B3GALT1: variants seen among roughly 807,000 people sequenced by gnomAD.
B3GALT1 encodes beta-1,3-galactosyltransferase 1, also known as UDP-Gal:betaGlcNAc beta 1,3-galactosyltransferase, polypeptide 1.
B3GALT1 carries 10 observed loss-of-function variants against 23.2 expected under a neutral mutation model. The observed-to-expected ratio is 0.43, with a 90% confidence interval of 0.27 to 0.73. B3GALT1 has a LOEUF of 0.73. B3GALT1 is among the 30% of genes least tolerant of loss of function. The pLI is 0.21. For missense variants in B3GALT1, 299 were observed against 405.4 expected, an observed-to-expected ratio of 0.74 and a Z score of 2.25; for synonymous variants, 156 against 141.5, an observed-to-expected ratio of 1.10 and a Z score of -0.73.
chr2:167,461,108 G>A (rs149060209), intron 1 of B3GALT1, among the ~76,000 whole-genome samples: 308 of 152,264 alleles, frequency 2.0e-3, no homozygotes, highest in Non-Finnish European at 4.0e-3. Flanking sequence ...TTGTCTGCAC[G>A]TCTGTGATCA....
At chr2:167,728,948 T>C (rs1687364312) in intron 3 of B3GALT1, among the ~76,000 whole-genome samples, 1 of 152,222 alleles carries the variant, frequency 6.6e-6, no homozygotes, top group Non-Finnish European at 1.5e-5. Flanking sequence ...GCTTTTTTTA[T>C]CTCAGATTCT....
chr2:167,507,445 G>A (rs1293781710), intron 2 of B3GALT1, among the ~76,000 whole-genome samples: 1 of 141,172 alleles, frequency 7.1e-6, no homozygotes, highest in South Asian at 2.3e-4. Flanking sequence ...GTTGGAGGTT[G>A]CAGTGAACCA....
chr2:167,740,453 A>G (rs2105275658), intron 3 of B3GALT1, among the ~76,000 whole-genome samples: 1 of 152,298 alleles, frequency 6.6e-6, no homozygotes, highest in Admixed American at 6.5e-5. Flanking sequence ...TGGATCCAAA[A>G]TGATATTGAA....
intron 1 of B3GALT1, among the ~76,000 whole-genome samples, chr2:167,346,973 A>G (rs1287883640): frequency 6.6e-6 from 1 of 152,202 alleles, no homozygotes; most frequent in East Asian, 1.9e-4. Flanking sequence ...GTAAAAGTTC[A>G]TATAAATGTA....
chr2:167,696,296 C>CAAAAAAAAAAAAAAAAAAAAAAAA, intron 3 of B3GALT1, among the ~76,000 whole-genome samples: 1 of 91,838 alleles, frequency 1.1e-5, no homozygotes, highest in Non-Finnish European at 2.0e-5. Context: ...TGGTAAGAGG[C>CAAAAAAAAAAAAAAAAAAAAAAAA]AAAAAAAAAA....
chr2:167,377,574 T>C (rs542008386), intron 1 of B3GALT1, among the ~76,000 whole-genome samples: 2 of 152,328 alleles, frequency 1.3e-5, no homozygotes, highest in South Asian at 4.1e-4. Context: ...TTTATCATGA[T>C]GTAATGCTCT....
At chr2:167,578,918 C>T (rs1684430578) in intron 2 of B3GALT1, among the ~76,000 whole-genome samples, 1 of 151,846 alleles carries the variant, frequency 6.6e-6, no homozygotes, top group Non-Finnish European at 1.5e-5. Context: ...CAGAATGGAG[C>T]GTGTATAATA....
chr2:167,628,007 G>T (rs1040415166), intron 2 of B3GALT1, among the ~76,000 whole-genome samples: 1 of 151,684 alleles, frequency 6.6e-6, no homozygotes, highest in Non-Finnish European at 1.5e-5. Flanking sequence ...ATTCTTTGAT[G>T]AAGTGTCCAT....
chr2:167,634,811 C>T (rs1480755873), intron 2 of B3GALT1, among the ~76,000 whole-genome samples: 1 of 152,074 alleles, frequency 6.6e-6, no homozygotes, highest in Non-Finnish European at 1.5e-5. Flanking sequence ...GAAACTATTC[C>T]AATCAACAGT....
chr2:167,812,105 CA>C (rs1296922655), intron 3 of B3GALT1, among the ~76,000 whole-genome samples: 2 of 152,194 alleles, frequency 1.3e-5, no homozygotes, highest in Admixed American at 1.3e-4. Context: ...CAACTGCCCC[CA>C]GATGGTCAGT....
At chr2:167,538,029 A>T (rs1445864562) in intron 2 of B3GALT1, among the ~76,000 whole-genome samples, 1 of 151,712 alleles carries the variant, frequency 6.6e-6, no homozygotes, top group East Asian at 1.9e-4. Flanking sequence ...CATCATGTTG[A>T]CCAGGCTGGT....
intron 2 of B3GALT1, among the ~76,000 whole-genome samples, chr2:167,548,685 A>AGTGTGTGAGTGTGT (rs1553466242): frequency 4.1e-5 from 6 of 144,706 alleles, no homozygotes; most frequent in Admixed American, 6.9e-5. Flanking sequence ...CGTGTGTGTG[A>AGTGTGTGAGTGTGT]GTGTGTGTGT....
intron 3 of B3GALT1, among the ~76,000 whole-genome samples, chr2:167,663,530 C>G (rs1020917753): frequency 1.3e-5 from 2 of 151,844 alleles, no homozygotes; most frequent in African/African-American, 2.4e-5. Context: ...CCTGAGGAAT[C>G]GCCACACTGA....
chr2:167,647,718 G>T (rs1368280714), intron 3 of B3GALT1, among the ~76,000 whole-genome samples: 1 of 152,034 alleles, frequency 6.6e-6, no homozygotes, highest in African/African-American at 2.4e-5. Context: ...CACAGATCTA[G>T]TTCTTTTTCC....
chr2:167,695,331 A>T (rs1408566368), intron 3 of B3GALT1, among the ~76,000 whole-genome samples: 1 of 152,108 alleles, frequency 6.6e-6, no homozygotes, highest in Non-Finnish European at 1.5e-5. Flanking sequence ...GTGATTAATT[A>T]TTGGTTGTCT....
intron 3 of B3GALT1, among the ~76,000 whole-genome samples, chr2:167,766,219 G>A (rs1381874177): frequency 6.6e-6 from 1 of 152,154 alleles, no homozygotes; most frequent in East Asian, 1.9e-4. Flanking sequence ...AAGGACTTGT[G>A]AATGGAAGGA....
Position 167,428,665 on chromosome 2 carries a change from G to A in B3GALT1, c.-510-61512G>A, listed in dbSNP as rs192398698. ...TACACTCTAGCCTGGGTGACAGAGC[G>A]AGACTCCATTTAAAAAAAAAGTGGA... On this transcript the variant is annotated intron_variant, in intron 1 of 4. Transcript: ENST00000392690. 5.9e-5 allele frequency among the ~76,000 whole-genome samples: 9 copies of A among 151,992 alleles called. No homozygotes were observed. In the East Asian group the frequency reaches 1.2e-3, roughly 20 times the overall value.
intron 1 of B3GALT1, among the ~76,000 whole-genome samples, chr2:167,357,554 C>A (rs1305560653): frequency 2.0e-5 from 3 of 152,052 alleles, no homozygotes; most frequent in Admixed American, 6.5e-5. Context: ...AATTTTCTTC[C>A]TCTTTTTGAA....
intron 1 of B3GALT1, among the ~76,000 whole-genome samples, chr2:167,352,181 A>C (rs1376964655): frequency 1.4e-5 from 2 of 142,348 alleles, no homozygotes; most frequent in East Asian, 2.1e-4. Context: ...GTTGGCCAGG[A>C]TGGTCTTGAT....
Sources: allele counts gnomAD v4.1 joint callset (sites outside exome capture counted in the v4.1 genomes callset), GRCh38; gene constraint gnomAD v4.1.1; transcripts MANE v1.5; gene names NCBI Gene and HGNC (gene_info 2026-07-23, HGNC 2026-07-21).